Variants in SLC37A1 observed in about 807,000 individuals in gnomAD.
SLC37A1 encodes glucose-6-phosphate exchanger SLC37A1.
A neutral mutation model predicts 75.3 loss-of-function variants in SLC37A1; 49 were observed. The ratio of observed to expected loss-of-function variants is 0.65; its 90% CI spans 0.52 to 0.83. The LOEUF (loss-of-function observed/expected upper bound fraction) is 0.83. Among genes scored for constraint, SLC37A1 ranks in the 40% least tolerant of loss-of-function variants. SLC37A1 has a pLI of 0.00. For missense variants in SLC37A1, 566 were observed against 695.0 expected (o/e 0.81, Z 2.09); for synonymous variants, 268 against 292.1 (o/e 0.92, Z 0.84).
intron 13 of SLC37A1, 44 bp from the exon 14 acceptor site, chr21:42,564,664 A>G (rs1453628709): frequency 5.2e-6 from 8 of 1,540,196 alleles, no homozygotes; most frequent in Non-Finnish European, 6.3e-6. Flanking sequence ...CCGTGGGCTC[A>G]TGCCCTGGGA....
At chr21:42,570,257 T>C (rs939650672) in intron 17 of SLC37A1, among the ~76,000 whole-genome samples, 8 of 134,796 alleles carry the variant, frequency 5.9e-5, no homozygotes, top group Non-Finnish European at 9.8e-5. Flanking sequence ...GGCCTGGTTC[T>C]GAGAAGCGGC....
At chr21:42,524,961 G>C (rs1238046707) in intron 2 of SLC37A1, among the ~76,000 whole-genome samples, 1 of 152,164 alleles carries the variant, frequency 6.6e-6, no homozygotes, top group Non-Finnish European at 1.5e-5. Flanking sequence ...GACCTCTGGG[G>C]AGGGGAGGGA....
intron 2 of SLC37A1, chr21:42,502,693 A>C (rs2054351127): frequency 6.6e-6 from 1 of 152,142 alleles, no homozygotes; most frequent in African/African-American, 2.4e-5. Context: ...TACCAGATGT[A>C]ACCTTCCTAG....
At chr21:42,572,693 A>AAAAAAAAAAAAAG (rs2056212199) in intron 17 of SLC37A1, among the ~76,000 whole-genome samples, 1 of 145,064 alleles carries the variant, frequency 6.9e-6, no homozygotes, top group Non-Finnish European at 1.5e-5. Flanking sequence ...AAAAAAAAAG[A>AAAAAAAAAAAAAG]GTGTGTCCTG....
chr21:42,540,584 G>A (rs1018042657), intron 6 of SLC37A1, among the ~76,000 whole-genome samples: 1 of 152,178 alleles, frequency 6.6e-6, no homozygotes, highest in African/African-American at 2.4e-5. Flanking sequence ...AGCGCGCGCT[G>A]GCTTTGCCCT....
At chr21:42,572,690 A>AAAAAAAAAAG (rs1344604802) in intron 17 of SLC37A1, among the ~76,000 whole-genome samples, 4 of 146,136 alleles carry the variant, frequency 2.7e-5, no homozygotes, top group Non-Finnish European at 4.5e-5. Context: ...AAAAAAAAAA[A>AAAAAAAAAAG]AGAGTGTGTC....
chr21:42,515,446 A>G (rs1221327858), intron 1 of SLC37A1, among the ~76,000 whole-genome samples: 1 of 152,188 alleles, frequency 6.6e-6, no homozygotes, highest in East Asian at 1.9e-4. Flanking sequence ...CTCAGCCCTA[A>G]AAAGACTGAG....
At position 42,547,356 on chromosome 21, in the gene SLC37A1, T is replaced by C; in HGVS notation, c.768+216T>C. Reference sequence around the variant, plus strand: ...AAAACCCAGACAAGAGGTTCAATGCTGTCCAGATGAAGGACTTCATGCTAA... The same window carrying C: ...AAAACCCAGACAAGAGGTTCAATGCCGTCCAGATGAAGGACTTCATGCTAA... On this transcript the variant is annotated intron_variant, in intron 9 of 19. Coordinates refer to ENST00000352133, the MANE Select transcript of SLC37A1 (RefSeq NM_001320537.2). The surrounding 1 kb of genome is among the most constrained non-coding windows in gnomAD (Gnocchi z 6.1). 1.9e-6 allele frequency: 1 copy of C among 537,166 alleles called. No homozygotes were observed. The highest frequency in any genetic ancestry group is 3.3e-6 in the Non-Finnish European group (1 of 301,794). 33.3% of individuals were successfully genotyped at this position (537,166 alleles called of 1,614,324 possible). A position where few individuals can be genotyped will look rare whatever the true frequency, so the allele number is the denominator to read the frequency against.
chr21:42,579,623 G>C, intron 18 of SLC37A1, 113 bp from the exon 19 acceptor site: 2 of 814,850 alleles, frequency 2.5e-6, no homozygotes, highest in Non-Finnish European at 3.5e-6. Flanking sequence ...AAGGTGCTGT[G>C]GGGAGAGAGC....
chr21:42,531,310 C>T (rs1419559250), intron 3 of SLC37A1, among the ~76,000 whole-genome samples: 1 of 151,798 alleles, frequency 6.6e-6, no homozygotes, highest in East Asian at 1.9e-4. Context: ...CACCCCCACC[C>T]TCCACCCGCG....
In SLC37A1 at chr21:42,538,345, T is replaced by C. The variant is rs73227567; in HGVS notation, c.351-1167T>C. Among the ~76,000 whole-genome samples the C allele has an allele frequency of 7.6e-3, 1,165 of 152,404 alleles. 5 individuals carry two copies. Among genetic ancestry groups the C allele is most frequent in the Non-Finnish European group, 0.012 (825 of 68,038 alleles). On this transcript the variant is annotated intron_variant, in intron 5 of 19. Coordinates refer to ENST00000352133, the MANE Select transcript of SLC37A1 (RefSeq NM_001320537.2). ...TCTATAATTTTAAGTTACTTTCTTC[T>C]GCTTTAGTGTTTAAAAGGTCATTTG...
rs1161190059 is a variant in SLC37A1, at chr21:42,545,901, C to G, written c.731-1202C>G. Among the ~76,000 whole-genome samples the G allele has an allele frequency of 6.6e-6, 1 of 152,270 alleles. No homozygotes were observed. The highest frequency in any genetic ancestry group is 1.5e-5 in the Non-Finnish European group (1 of 68,054). The stretch of plus-strand genomic sequence containing the variant: ...CCAGCCACGGACCTCTGGGTGCAGA[C>G]CCACCTGGCCCTACGGCATGTTGAT... On this transcript the variant is annotated intron_variant, in intron 8 of 19. Transcript: ENST00000352133. The surrounding 1 kb of genome is among the most constrained non-coding windows in gnomAD (Gnocchi z 4.0).
intron 3 of SLC37A1, among the ~76,000 whole-genome samples, chr21:42,529,181 G>A (rs2054877515): frequency 6.6e-6 from 1 of 152,226 alleles, no homozygotes; most frequent in African/African-American, 2.4e-5. Flanking sequence ...AGAAAATATG[G>A]AATATTTGAC....
At chr21:42,578,209 G>A (rs2056346306) in intron 18 of SLC37A1, among the ~76,000 whole-genome samples, 1 of 152,216 alleles carries the variant, frequency 6.6e-6, no homozygotes, top group Admixed American at 6.5e-5. Flanking sequence ...CAGCTCCAGG[G>A]CCTGCAGGAC....
In SLC37A1 at chr21:42,518,451, G is replaced by A. The variant is rs369702529; in HGVS notation, c.-4G>A. On this transcript the variant is annotated 5_prime_UTR_variant, in exon 2 of 20. Coordinates refer to ENST00000352133, the MANE Select transcript of SLC37A1 (RefSeq NM_001320537.2). ...CCGAGGCTCAGTGGTCAGTGGCGAC[G>A]TAAATGGCTCGACTCCCCGCTGGCA... 404 of 1,614,116 alleles carry A rather than the reference G, an allele frequency of 2.5e-4. 2 individuals are homozygous for A. In the South Asian group the frequency reaches 4.0e-3, roughly 16 times the overall value.
At position 42,545,083 on chromosome 21, in the gene SLC37A1, G is replaced by C. The variant is rs180755172; in HGVS notation, c.730+1481G>C. On this transcript the variant is annotated intron_variant, in intron 8 of 19. Coordinates refer to ENST00000352133, the MANE Select transcript of SLC37A1 (RefSeq NM_001320537.2). The surrounding 1 kb of genome is among the most constrained non-coding windows in gnomAD (Gnocchi z 4.0). ...GTTGATGTTTGTCTCTGTAAGCAGA[G>C]AGAGCTCAGCTCTTGTGAATAAGCC... Among the ~76,000 whole-genome samples the C allele has an allele frequency of 1.5e-3, 233 of 152,306 alleles. No individual in the cohort carries two copies. The highest frequency in any genetic ancestry group is 5.4e-3 in the African/African-American group (226 of 41,558).
chr21:42,525,974 A>G (rs914109846), intron 3 of SLC37A1, 117 bp downstream of exon 3: 38 of 672,016 alleles, frequency 5.7e-5, no homozygotes, highest in Non-Finnish European at 8.5e-5. Flanking sequence ...TTATGTAGAA[A>G]CAAGTTATTC....
chr21:42,568,056 C>T (rs2056025066), intron 16 of SLC37A1, among the ~76,000 whole-genome samples: 1 of 152,266 alleles, frequency 6.6e-6, no homozygotes, highest in South Asian at 2.1e-4. Flanking sequence ...ACCTTCACGC[C>T]TCTCACGCTG....
At chr21:42,534,947 C>G in intron 4 of SLC37A1, 117 bp downstream of exon 4, 5 of 1,370,224 alleles carry the variant, frequency 3.6e-6, no homozygotes, top group Admixed American at 2.4e-5. Flanking sequence ...CATGACAGCC[C>G]TCTCCTACCA....
Sources: allele counts gnomAD v4.1 joint callset (sites outside exome capture counted in the v4.1 genomes callset), GRCh38; gene constraint gnomAD v4.1.1; non-coding constraint Gnocchi (gnomAD v3.1); transcripts MANE v1.5; gene names NCBI Gene and HGNC (gene_info 2026-07-23, HGNC 2026-07-21).